The following ADAMTSL3 variants were observed in gnomAD, a reference collection of about 807,000 sequenced individuals.
The protein encoded by ADAMTSL3 is ADAMTS-like protein 3.
A neutral mutation model predicts 201.7 loss-of-function variants in ADAMTSL3; 128 were observed. That is an observed-to-expected ratio of 0.63 (90% CI 0.55 to 0.73). The LOEUF is 0.73. ADAMTSL3 is among the 30% of genes least tolerant of loss of function. ADAMTSL3 has a pLI of 0.00. For missense variants in ADAMTSL3, 1,990 were observed against 2,119.6 expected (o/e 0.94, Z 1.20); for synonymous variants, 738 against 748.4 (o/e 0.99, Z 0.23).
At position 84,038,888 on chromosome 15, in the gene ADAMTSL3, T is replaced by C. The variant is rs2068555664; in HGVS notation, c.*1082T>C. On this transcript the variant is annotated 3_prime_UTR_variant, in exon 30 of 30. Transcript: ENST00000286744. ...TTTTAGGATTAGAGCTAGAATTGGG[T>C]TAGGTGAGAAAGAAAGTTAAGGTTA... 1 of 151,992 alleles carries C rather than the reference T, an allele frequency of 6.6e-6. No individual in the cohort carries two copies. The highest frequency in any genetic ancestry group is 1.5e-5 in the Non-Finnish European group (1 of 67,982). 9.4% of individuals were successfully genotyped at this position (151,992 alleles called of 1,614,324 possible). A position where few individuals can be genotyped will look rare whatever the true frequency, so the allele number is the denominator to read the frequency against.
Position 83,917,678 on chromosome 15 carries a change from T to G in ADAMTSL3, c.1987+4300T>G, listed in dbSNP as rs1484395680. ...TTATGACCTCATTTTTTTACCTTTA[T>G]GTTTTCCAACAACACAGGCTAGGAG... On this transcript the variant is annotated intron_variant, in intron 16 of 29. Coordinates refer to ENST00000286744, the MANE Select transcript of ADAMTSL3 (RefSeq NM_207517.3). Among the ~76,000 whole-genome samples, 5 of 152,206 alleles carry G rather than the reference T, an allele frequency of 3.3e-5. No homozygotes were observed. In the South Asian group the frequency reaches 1.0e-3, roughly 32 times the overall value.
chr15:83,849,692 T>A (rs931740768), intron 7 of ADAMTSL3, among the ~76,000 whole-genome samples: 1 of 152,188 alleles, frequency 6.6e-6, no homozygotes, highest in African/African-American at 2.4e-5. Context: ...AGGCCATTTG[T>A]CTGCAATTTA....
At chr15:83,941,880 C>G (rs987488641) in intron 17 of ADAMTSL3, among the ~76,000 whole-genome samples, 1 of 152,100 alleles carries the variant, frequency 6.6e-6, no homozygotes, top group Non-Finnish European at 1.5e-5. Context: ...ATTAAAATAA[C>G]CATAATGTGT....
intron 19 of ADAMTSL3, among the ~76,000 whole-genome samples, chr15:83,946,561 A>G (rs1442755145): frequency 2.0e-5 from 3 of 152,210 alleles, no homozygotes; most frequent in Non-Finnish European, 2.9e-5. Context: ...GGGATTGCCA[A>G]CAGGTCCTCC....
At chr15:83,746,663 GA>G (rs2062552664) in intron 3 of ADAMTSL3, among the ~76,000 whole-genome samples, 1 of 152,132 alleles carries the variant, frequency 6.6e-6, no homozygotes, top group Non-Finnish European at 1.5e-5. Context: ...AGTCTCTTGT[GA>G]AAACAGTATA....
chr15:83,725,634 C>T (rs2062162364), intron 3 of ADAMTSL3, among the ~76,000 whole-genome samples: 1 of 152,172 alleles, frequency 6.6e-6, no homozygotes, highest in African/African-American at 2.4e-5. Flanking sequence ...ATATTCCCAG[C>T]ATCATTTGTT....
chr15:84,021,361 C>G, intron 25 of ADAMTSL3, 49 bp from the exon 26 acceptor site: 1 of 1,604,042 alleles, frequency 6.2e-7, no homozygotes, highest in Non-Finnish European at 8.5e-7. Flanking sequence ...TCCAGCTCGT[C>G]GTCATTTCTC....
chr15:83,858,935 A>G, intron 8 of ADAMTSL3, 95 bp downstream of exon 8: 2 of 1,086,662 alleles, frequency 1.8e-6, no homozygotes, highest in Non-Finnish European at 1.3e-6. Flanking sequence ...CAAACCAACA[A>G]GCAAAAAAAC....
In ADAMTSL3 at chr15:83,786,080, G is replaced by A. The variant is rs762038587; in HGVS notation, c.317+12430G>A. On this transcript the variant is annotated intron_variant, in intron 4 of 29. Transcript: ENST00000286744. ...TGGTCTCAAACTCCTGACCTCAAGTGATCTGCCCGCCTCAGCCTCCCAGAG... is the reference window on the plus strand; with the variant it reads ...TGGTCTCAAACTCCTGACCTCAAGTAATCTGCCCGCCTCAGCCTCCCAGAG... 2.0e-5 allele frequency among the ~76,000 whole-genome samples: 3 copies of A among 152,112 alleles called. No individual in the cohort carries two copies. In the East Asian group the frequency reaches 5.8e-4, roughly 29 times the overall value.
At chr15:83,955,155 A>G (rs1023276236) in intron 19 of ADAMTSL3, among the ~76,000 whole-genome samples, 15 of 152,228 alleles carry the variant, frequency 9.9e-5, no homozygotes, top group African/African-American at 3.4e-4. Context: ...TCTGAGAGCC[A>G]GGGATTTAAG....
intron 3 of ADAMTSL3, among the ~76,000 whole-genome samples, chr15:83,770,860 G>T (rs1292035677): frequency 6.6e-6 from 1 of 152,130 alleles, no homozygotes; most frequent in Non-Finnish European, 1.5e-5. Flanking sequence ...ATGAGATCAG[G>T]TTCGAGACTG....
intron 3 of ADAMTSL3, among the ~76,000 whole-genome samples, chr15:83,711,133 CTAT>C (rs1567089970): frequency 1.3e-5 from 2 of 152,036 alleles, no homozygotes; most frequent in African/African-American, 4.8e-5. Flanking sequence ...CCTCGTTTAA[CTAT>C]TGATTTATGC....
At chr15:83,804,717 T>G (rs1457753522) in intron 5 of ADAMTSL3, 22 bp downstream of exon 5, 1 of 1,547,278 alleles carries the variant, frequency 6.5e-7, no homozygotes, top group Non-Finnish European at 8.8e-7. Flanking sequence ...AATAAAATTA[T>G]TTTATCCAAT....
At chr15:83,767,955 G>A (rs1216469469) in intron 3 of ADAMTSL3, among the ~76,000 whole-genome samples, 4 of 152,130 alleles carry the variant, frequency 2.6e-5, no homozygotes, top group Non-Finnish European at 4.4e-5. Flanking sequence ...GTGAAGACAC[G>A]GAAGCTGCAG....
chr15:84,037,823 T>C lies in ADAMTSL3; in HGVS notation c.*17T>C. On this transcript the variant is annotated 3_prime_UTR_variant, in exon 30 of 30. Transcript: ENST00000286744. ...GAGGGATAAACCTTTGGAGGGGTCATGATGCTGCTGTGAAGATAAAAGTAG... is the reference window on the plus strand; with the variant it reads ...GAGGGATAAACCTTTGGAGGGGTCACGATGCTGCTGTGAAGATAAAAGTAG... 6.3e-7 allele frequency: 1 copy of C among 1,594,532 alleles called. No homozygotes were observed. The highest frequency in any genetic ancestry group is 1.2e-5 in the South Asian group (1 of 86,768).
intron 6 of ADAMTSL3, among the ~76,000 whole-genome samples, chr15:83,822,159 G>C (rs559915307): frequency 6.6e-6 from 1 of 150,822 alleles, no homozygotes; most frequent in East Asian, 2.0e-4. Context: ...AGACGGGGCG[G>C]CTGGCCTGGC....
chr15:83,907,157 A>G (rs1352284647), intron 15 of ADAMTSL3, among the ~76,000 whole-genome samples: 3 of 151,856 alleles, frequency 2.0e-5, no homozygotes, highest in Admixed American at 6.6e-5. Context: ...ATCCATTTAA[A>G]TAGATTTTTT....
chr15:83,778,584 A>T (rs1287046217), intron 4 of ADAMTSL3, among the ~76,000 whole-genome samples: 1 of 152,216 alleles, frequency 6.6e-6, no homozygotes, highest in African/African-American at 2.4e-5. Flanking sequence ...ATTTATTACC[A>T]TCAGATCTGC....
At chr15:83,900,274 G>C (rs1179384531) in intron 15 of ADAMTSL3, among the ~76,000 whole-genome samples, 1 of 152,146 alleles carries the variant, frequency 6.6e-6, no homozygotes. Flanking sequence ...GGTTGGGCTT[G>C]ATCTCTCCAG....
Sources: gnomAD v4.1 joint callset for allele counts (sites outside exome capture counted in the v4.1 genomes callset) on GRCh38, gnomAD v4.1.1 for gene constraint, MANE v1.5 for transcripts, NCBI Gene and HGNC (gene_info 2026-07-23, HGNC 2026-07-21) for gene names.